Variants in RECK observed in about 807,000 individuals in gnomAD.
RECK encodes reversion-inducing cysteine-rich protein with Kazal motifs.
Under a neutral mutation model 115.1 loss-of-function variants are expected in RECK, and 69 were observed. The observed-to-expected ratio is 0.60, with a 90% CI of 0.49 to 0.73. RECK has a LOEUF of 0.73. Among genes scored for constraint, RECK ranks in the 30% least tolerant of loss-of-function variants. The pLI is 0.00. For missense variants in RECK, 1,047 were observed against 1,203.7 expected (o/e 0.87, Z 1.93); for synonymous variants, 414 against 419.7 (o/e 0.99, Z 0.17).
chr9:36,042,788 C>G (rs910825125), intron 1 of RECK, among the ~76,000 whole-genome samples: 1 of 152,074 alleles, frequency 6.6e-6, no homozygotes. Flanking sequence ...ATTTACATTC[C>G]TACCAGCAAT....
intron 7 of RECK, 146 bp from the exon 8 acceptor site, chr9:36,083,219 G>C: frequency 1.3e-6 from 1 of 762,726 alleles, no homozygotes; most frequent in Non-Finnish European, 2.1e-6. Context: ...TATACCTACA[G>C]AAGTGCCGAT....
At chr9:36,107,500 A>G (rs947153734) in intron 13 of RECK, among the ~76,000 whole-genome samples, 7 of 151,560 alleles carry the variant, frequency 4.6e-5, no homozygotes, top group African/African-American at 1.7e-4. Flanking sequence ...AGCTACTTGG[A>G]AGGCTGAGGC....
chr9:36,064,288 T>A (rs961374041), intron 5 of RECK, among the ~76,000 whole-genome samples: 1 of 152,156 alleles, frequency 6.6e-6, no homozygotes, highest in Non-Finnish European at 1.5e-5. Context: ...TTACCCTGAG[T>A]GTGTTCTTAT....
intron 6 of RECK, among the ~76,000 whole-genome samples, chr9:36,067,397 A>G (rs751941369): frequency 6.6e-6 from 1 of 152,148 alleles, no homozygotes; most frequent in African/African-American, 2.4e-5. Context: ...AGTTTTATGT[A>G]TAGTTTGATT....
intron 14 of RECK, 100 bp from the exon 15 acceptor site, chr9:36,109,857 G>T: frequency 1.7e-6 from 2 of 1,177,922 alleles, no homozygotes; most frequent in African/African-American, 1.5e-5. Flanking sequence ...AAAAAAAAAG[G>T]AATTTCCATT....
intron 10 of RECK, among the ~76,000 whole-genome samples, chr9:36,098,778 A>G (rs1823457716): frequency 6.6e-6 from 1 of 152,224 alleles, no homozygotes; most frequent in Admixed American, 6.6e-5. Context: ...TGAATCTTAC[A>G]TTGAGAAAAA....
intron 18 of RECK, 137 bp downstream of exon 18, chr9:36,119,104 T>G (rs1824370255): frequency 1.2e-6 from 1 of 856,254 alleles, no homozygotes; most frequent in East Asian, 2.7e-5. Context: ...CTGATCATAC[T>G]CACTACTTTG....
intron 4 of RECK, among the ~76,000 whole-genome samples, chr9:36,061,128 G>A (rs1186587485): frequency 6.6e-6 from 1 of 151,734 alleles, no homozygotes; most frequent in Non-Finnish European, 1.5e-5. Flanking sequence ...TAATTTATCA[G>A]GGGATATTCA....
At chr9:36,055,380 A>G (rs539327973) in intron 2 of RECK, among the ~76,000 whole-genome samples, 7 of 152,106 alleles carry the variant, frequency 4.6e-5, no homozygotes, top group Non-Finnish European at 8.8e-5. Flanking sequence ...GACCCAATAG[A>G]TTATCTAACT....
chr9:36,065,540 G>T (rs1342785145), intron 5 of RECK, 37 bp from the exon 6 acceptor site: 1 of 1,531,496 alleles, frequency 6.5e-7, no homozygotes, highest in East Asian at 2.3e-5. Flanking sequence ...TGAATAGCAT[G>T]TATAATAAAT....
At chr9:36,097,396 C>T (rs1823396369) in intron 10 of RECK, among the ~76,000 whole-genome samples, 1 of 150,920 alleles carries the variant, frequency 6.6e-6, no homozygotes, top group South Asian at 2.1e-4. Context: ...AGAAGGACAT[C>T]ACAATGGCCA....
intron 1 of RECK, among the ~76,000 whole-genome samples, chr9:36,039,290 C>T (rs1370560635): frequency 2.1e-4 from 32 of 152,182 alleles, no homozygotes; most frequent in Admixed American, 2.0e-3. Context: ...AAGGCTTCCA[C>T]TGTGAATTGT....
At chr9:36,077,413 T>A (rs1298490044) in intron 6 of RECK, among the ~76,000 whole-genome samples, 1 of 152,156 alleles carries the variant, frequency 6.6e-6, no homozygotes. Flanking sequence ...ATCAGCAGTA[T>A]TAAAGTGGTA....
chr9:36,105,636 T>C (rs776936699), intron 13 of RECK, among the ~76,000 whole-genome samples: 7 of 152,138 alleles, frequency 4.6e-5, no homozygotes, highest in Non-Finnish European at 1.0e-4. Flanking sequence ...TTCTCTTCTA[T>C]GTTGTAATGT....
At chr9:36,057,089 C>T (rs1301318861) in intron 2 of RECK, 57 of 899,724 alleles carry the variant, frequency 6.3e-5, no homozygotes, top group Non-Finnish European at 7.0e-5. Flanking sequence ...TGCATAACGT[C>T]CTATTTGGAA....
At position 36,111,542 on chromosome 9, in the gene RECK, G is replaced by A. The variant is rs567178106; in HGVS notation, c.1889-763G>A. 5.3e-5 allele frequency among the ~76,000 whole-genome samples: 8 copies of A among 152,214 alleles called. 1 individual carries two copies. The South Asian group carries it at 1.2e-3, about 24-fold the overall frequency. On this transcript the variant is annotated intron_variant, in intron 15 of 20. Coordinates refer to ENST00000377966, the MANE Select transcript of RECK (RefSeq NM_021111.3). ...CCAAGTAGCTAGGAACGACAGGCATGCGCCACCATGCCATTCTAATTTTGT... is the reference window on the plus strand; with the variant it reads ...CCAAGTAGCTAGGAACGACAGGCATACGCCACCATGCCATTCTAATTTTGT...
Position 36,123,315 on chromosome 9 carries a change from A to G in RECK, c.*270A>G, listed in dbSNP as rs908208029. 16 of 359,808 alleles carry G rather than the reference A, an allele frequency of 4.4e-5. No individual in the cohort carries two copies. Among genetic ancestry groups the G allele is most frequent in the African/African-American group, 3.3e-4 (16 of 47,926 alleles). The allele number at this position is 359,808 out of a possible 1,614,324, so 22.3% of individuals were successfully genotyped here. Reference sequence around the variant, plus strand: ...GCCATATGATTTACATTTCCTCACCATAAGGGTCCCCCACTCTAAAGCAAA... The same window carrying G: ...GCCATATGATTTACATTTCCTCACCGTAAGGGTCCCCCACTCTAAAGCAAA... On this transcript the variant is annotated 3_prime_UTR_variant, in exon 21 of 21. Transcript: ENST00000377966.
rs1823255263 is a variant in RECK, at chr9:36,094,145, A to G, written c.1085+2802A>G. On this transcript the variant is annotated intron_variant, in intron 10 of 20. Transcript: ENST00000377966. The surrounding 1 kb of genome is among the most constrained non-coding windows in gnomAD (Gnocchi z 4.1). ...ACATGAAAACTCAGACCTATAGAGC[A>G]CTGGGATTGGTAAATGTTGGTAAAC... Among the ~76,000 whole-genome samples the G allele has an allele frequency of 6.6e-6, 1 of 152,108 alleles. No individual in the cohort carries two copies. Among genetic ancestry groups the G allele is most frequent in the South Asian group, 2.1e-4 (1 of 4,830 alleles).
chr9:36,087,658 AC>A (rs1823015555), intron 8 of RECK, 35 bp from the exon 9 acceptor site: 2 of 1,588,322 alleles, frequency 1.3e-6, no homozygotes, highest in African/African-American at 1.4e-5. Context: ...AACAAAAAAA[AC>A]AGCTAATTAA....
Sources: allele counts gnomAD v4.1 joint callset (sites outside exome capture counted in the v4.1 genomes callset), GRCh38; gene constraint gnomAD v4.1.1; non-coding constraint Gnocchi (gnomAD v3.1); transcripts MANE v1.5; gene names NCBI Gene and HGNC (gene_info 2026-07-23, HGNC 2026-07-21).